ADGRB3: variants seen among roughly 807,000 people sequenced by gnomAD.
ADGRB3 encodes brain-specific angiogenesis inhibitor 3.
Under a neutral mutation model 193.4 loss-of-function variants are expected in ADGRB3, and 37 were observed. The observed-to-expected ratio is 0.19, with a 90% CI of 0.15 to 0.25. The LOEUF is 0.25. Among genes scored for constraint, ADGRB3 ranks in the 10% least tolerant of loss-of-function variants. The pLI, the probability that ADGRB3 is intolerant of heterozygous loss-of-function variation, is 1.00. For missense variants in ADGRB3, 1,637 were observed against 1,852.9 expected (o/e 0.88, Z 2.14); for synonymous variants, 690 against 644.2 (o/e 1.07, Z -1.08).
intron 13 of ADGRB3, among the ~76,000 whole-genome samples, chr6:69,033,982 C>G (rs1770791052): frequency 6.6e-6 from 1 of 151,876 alleles, no homozygotes; most frequent in Non-Finnish European, 1.5e-5. Context: ...AGGTTATATT[C>G]CCAAATATAT....
rs190205770 is a variant in ADGRB3, at chr6:69,082,289, A to G, written c.2480+6251A>G. Among the ~76,000 whole-genome samples the G allele has an allele frequency of 1.5e-3, 223 of 152,208 alleles. 2 individuals are homozygous for G. Among genetic ancestry groups the G allele is most frequent in the Admixed American group, 4.5e-3 (68 of 15,274 alleles). On this transcript the variant is annotated intron_variant, in intron 17 of 31. Coordinates refer to ENST00000370598, the MANE Select transcript of ADGRB3 (RefSeq NM_001704.3). ...CATCATATTGAAGTAAATGAATGAA[A>G]TATTTGCAAGCAGGGTAAGGGTAGG...
intron 13 of ADGRB3, among the ~76,000 whole-genome samples, chr6:69,025,614 T>G (rs1052062634): frequency 1.3e-4 from 20 of 152,018 alleles, no homozygotes; most frequent in Admixed American, 1.0e-3. Flanking sequence ...GTTCTATCTC[T>G]GCCTTCTGGC....
At chr6:68,797,698 T>G (rs953161005) in intron 3 of ADGRB3, among the ~76,000 whole-genome samples, 1 of 152,152 alleles carries the variant, frequency 6.6e-6, no homozygotes, top group African/African-American at 2.4e-5. Flanking sequence ...ACCAAATGCT[T>G]CTTTTTTCTT....
chr6:68,848,894 C>T (rs1258686736), intron 3 of ADGRB3, among the ~76,000 whole-genome samples: 1 of 151,874 alleles, frequency 6.6e-6, no homozygotes, highest in Non-Finnish European at 1.5e-5. Flanking sequence ...TTGAATTTTC[C>T]ATTGATTTTT....
chr6:69,276,607 G>A (rs1582598419), intron 20 of ADGRB3, among the ~76,000 whole-genome samples: 1 of 151,552 alleles, frequency 6.6e-6, no homozygotes, highest in East Asian at 1.9e-4. Flanking sequence ...TTTTTCCCCC[G>A]GGCTCAGGAA....
intron 18 of ADGRB3, among the ~76,000 whole-genome samples, chr6:69,233,951 ATAG>A (rs1402324298): frequency 6.6e-6 from 1 of 152,204 alleles, no homozygotes; most frequent in Non-Finnish European, 1.5e-5. Flanking sequence ...TTATTCCTTA[ATAG>A]TATATAGTTT....
intron 26 of ADGRB3, among the ~76,000 whole-genome samples, chr6:69,347,905 A>C (rs1486175066): frequency 6.6e-6 from 1 of 152,172 alleles, no homozygotes; most frequent in Non-Finnish European, 1.5e-5. Context: ...TTTAAATAAG[A>C]GCATGGGCAT....
intron 3 of ADGRB3, among the ~76,000 whole-genome samples, chr6:68,808,426 CTTT>C (rs574558007): frequency 2.1e-5 from 3 of 139,782 alleles, no homozygotes; most frequent in Non-Finnish European, 3.1e-5. Flanking sequence ...TTTTCAAGAC[CTTT>C]TTTTTTTTTT....
chr6:68,801,960 A>G (rs1303782496), intron 3 of ADGRB3, among the ~76,000 whole-genome samples: 1 of 152,172 alleles, frequency 6.6e-6, no homozygotes. Context: ...GAAAGCACAT[A>G]ATATTGAAGC....
chr6:69,191,013 A>G (rs1765174487), intron 17 of ADGRB3, among the ~76,000 whole-genome samples: 1 of 152,144 alleles, frequency 6.6e-6, no homozygotes, highest in Non-Finnish European at 1.5e-5. Flanking sequence ...AATTCTCAGA[A>G]CATATCTTTA....
chr6:68,952,898 A>G (rs1436306653), intron 6 of ADGRB3, among the ~76,000 whole-genome samples: 1 of 152,184 alleles, frequency 6.6e-6, no homozygotes, highest in Non-Finnish European at 1.5e-5. Flanking sequence ...AAGCTTTAAC[A>G]TTAACACAGA....
chr6:68,935,066 C>T (rs1407410654), intron 4 of ADGRB3, among the ~76,000 whole-genome samples: 1 of 152,122 alleles, frequency 6.6e-6, no homozygotes, highest in Non-Finnish European at 1.5e-5. Context: ...CCTCTTGGTG[C>T]ATGATGCAGA....
rs371614340 is a variant in ADGRB3 at position 69,339,532 on chromosome 6, A to C, written c.3459+28A>C. 7.1e-5 allele frequency: 114 copies of C among 1,599,452 alleles called. No individual in the cohort carries two copies. In the African/African-American group the frequency reaches 1.4e-3, roughly 19 times the overall value. Reference sequence around the variant, plus strand: ...GAGAAGCATTCTTGTGATAGAGAACAGTGATGGTTGGAATGGTATTTCCTT... The same window carrying C: ...GAGAAGCATTCTTGTGATAGAGAACCGTGATGGTTGGAATGGTATTTCCTT... On this transcript the variant is annotated intron_variant, in intron 26 of 31. Transcript: ENST00000370598.
intron 3 of ADGRB3, among the ~76,000 whole-genome samples, chr6:68,661,120 T>C (rs1768620899): frequency 6.7e-6 from 1 of 150,240 alleles, no homozygotes. Flanking sequence ...CTAGGTATAG[T>C]ATTACATGAG....
At chr6:69,204,125 T>C (rs1765488091) in intron 17 of ADGRB3, among the ~76,000 whole-genome samples, 1 of 152,220 alleles carries the variant, frequency 6.6e-6, no homozygotes, top group Non-Finnish European at 1.5e-5. Context: ...TTCTTCTGGA[T>C]ACATTAACTT....
At chr6:69,209,925 TAGA>T (rs1419922773) in intron 17 of ADGRB3, among the ~76,000 whole-genome samples, 1 of 151,770 alleles carries the variant, frequency 6.6e-6, no homozygotes, top group Non-Finnish European at 1.5e-5. Flanking sequence ...TCCATACTAT[TAGA>T]AGAAGAGTCC....
At chr6:68,880,971 G>A (rs1182168668) in intron 3 of ADGRB3, among the ~76,000 whole-genome samples, 4 of 151,862 alleles carry the variant, frequency 2.6e-5, no homozygotes, top group Non-Finnish European at 4.4e-5. Flanking sequence ...TTAAAAAGTC[G>A]GTGAGAAAAA....
intron 17 of ADGRB3, among the ~76,000 whole-genome samples, chr6:69,142,748 T>C (rs1774375101): frequency 2.0e-5 from 3 of 152,234 alleles, no homozygotes; most frequent in Admixed American, 6.5e-5. Flanking sequence ...ACAGCAGTTT[T>C]GTTTCTCAAT....
intron 25 of ADGRB3, 55 bp from the exon 26 acceptor site, chr6:69,339,278 T>C (rs891485895): frequency 2.1e-5 from 33 of 1,568,486 alleles, no homozygotes; most frequent in Non-Finnish European, 2.9e-5. Context: ...GGGGTTTGGC[T>C]ATGGCCTGGG....
Sources: gnomAD v4.1 joint callset for allele counts (sites outside exome capture counted in the v4.1 genomes callset) on GRCh38, gnomAD v4.1.1 for gene constraint, MANE v1.5 for transcripts, NCBI Gene and HGNC (gene_info 2026-07-23, HGNC 2026-07-21) for gene names.